The following CAST variants were observed in gnomAD, a reference collection of about 807,000 sequenced individuals.
The protein encoded by CAST is MIR583 host.
CAST carries 76 observed loss-of-function variants against 119.6 expected under a neutral mutation model. That is an observed-to-expected ratio of 0.64 (90% confidence interval 0.53 to 0.77). The LOEUF (loss-of-function observed/expected upper bound fraction) is 0.77. CAST is among the 30% of genes least tolerant of loss of function. The pLI, the probability that CAST is intolerant of heterozygous loss-of-function variation, is 0.00. For missense variants in CAST, 953 were observed against 946.5 expected (o/e 1.01, Z -0.09); for synonymous variants, 319 against 331.6 (o/e 0.96, Z 0.41).
At chr5:96,101,704 G>A in the CAST span, among the ~76,000 whole-genome samples, 18 of 152,256 alleles carry the variant, frequency 1.2e-4, no homozygotes, top group African/African-American at 9.6e-5. Context: ...TAATCCTAGC[G>A]CTTTGGCCAA....
chr5:96,555,340 T>C (rs1483743274), intron 1 of CAST, among the ~76,000 whole-genome samples: 1 of 152,142 alleles, frequency 6.6e-6, no homozygotes, highest in Non-Finnish European at 1.5e-5. Context: ...CCAACTGAGG[T>C]ACGTGTTCAT....
chr5:96,636,564 T>C (rs6880029), intron 1 of CAST, among the ~76,000 whole-genome samples: 24,005 of 152,096 alleles, frequency 0.16, 2,938 homozygotes, highest in African/African-American at 0.35. Flanking sequence ...ATAAAATTCT[T>C]CAGATACCCT....
At chr5:96,424,522 G>A in the CAST span, among the ~76,000 whole-genome samples, 1 of 152,126 alleles carries the variant, frequency 6.6e-6, no homozygotes. Flanking sequence ...TGTTAAATGG[G>A]CATAATTACT....
intron 1 of CAST, among the ~76,000 whole-genome samples, chr5:96,636,613 T>C (rs1009042256): frequency 3.9e-5 from 6 of 152,134 alleles, no homozygotes; most frequent in African/African-American, 1.4e-4. Context: ...TAAAATACTT[T>C]GTTAGATTTG....
chr5:96,073,601 C>A, the CAST span, among the ~76,000 whole-genome samples: 1,078 of 152,206 alleles, frequency 7.1e-3, 6 homozygotes, highest in African/African-American at 0.025. Flanking sequence ...TGGGATGAAA[C>A]TTCCATCTCA....
chr5:96,397,419 C>G, the CAST span: 1 of 1,611,672 alleles, frequency 6.2e-7, no homozygotes, highest in Non-Finnish European at 8.5e-7. Flanking sequence ...TTCTTAAAGC[C>G]ATTAGGAGAT....
chr5:96,159,929 G>T, the CAST span, among the ~76,000 whole-genome samples: 1 of 150,194 alleles, frequency 6.7e-6, no homozygotes, highest in South Asian at 2.1e-4. Flanking sequence ...AGGTCAGTTC[G>T]AGAGCAGCCT....
At chr5:96,081,480 C>T in the CAST span, among the ~76,000 whole-genome samples, 1 of 152,186 alleles carries the variant, frequency 6.6e-6, no homozygotes, top group Non-Finnish European at 1.5e-5. Context: ...TGCTGAGTTT[C>T]CTGAGGCCCA....
intron 1 of CAST, among the ~76,000 whole-genome samples, chr5:96,671,729 A>G (rs539526627): frequency 2.1e-4 from 32 of 152,294 alleles, no homozygotes; most frequent in African/African-American, 7.0e-4. Flanking sequence ...CCAGCTGTCA[A>G]TCCTTCCCTG....
chr5:96,563,692 G>A (rs1296802738), intron 1 of CAST, among the ~76,000 whole-genome samples: 5 of 151,884 alleles, frequency 3.3e-5, no homozygotes, highest in Middle Eastern at 6.8e-3. Flanking sequence ...CTAAGATTAC[G>A]GTATACGGTA....
At chr5:96,286,547 C>A in the CAST span, among the ~76,000 whole-genome samples, 1 of 152,152 alleles carries the variant, frequency 6.6e-6, no homozygotes, top group Non-Finnish European at 1.5e-5. Flanking sequence ...TGCTTTGCAC[C>A]AGTAACCAAT....
the CAST span, among the ~76,000 whole-genome samples, chr5:96,270,912 A>G: frequency 7.1e-3 from 1,077 of 152,306 alleles, 10 homozygotes; most frequent in African/African-American, 0.025. Context: ...AAACTGCTAG[A>G]ATGGATAAAA....
the CAST span, among the ~76,000 whole-genome samples, chr5:96,054,035 C>A: frequency 1.3e-5 from 2 of 151,978 alleles, no homozygotes; most frequent in Non-Finnish European, 2.9e-5. Flanking sequence ...TATTATATTT[C>A]TTGGTGGTGT....
the CAST span, among the ~76,000 whole-genome samples, chr5:96,438,532 A>T: frequency 6.6e-6 from 1 of 152,182 alleles, no homozygotes; most frequent in Non-Finnish European, 1.5e-5. Context: ...ACTTTTGAGG[A>T]GTACTATTCA....
intron 1 of CAST, among the ~76,000 whole-genome samples, chr5:96,632,586 T>A (rs980203638): frequency 1.3e-5 from 2 of 152,172 alleles, no homozygotes; most frequent in Non-Finnish European, 2.9e-5. Context: ...CTCTTATGAG[T>A]CTTTGATCTT....
intron 3 of CAST, among the ~76,000 whole-genome samples, chr5:96,714,176 C>G (rs1247186245): frequency 1.3e-5 from 2 of 152,084 alleles, no homozygotes; most frequent in Non-Finnish European, 2.9e-5. Context: ...AAGTAGGTAT[C>G]TTTTTTTATA....
At chr5:96,562,539 A>G (rs1419651739) in intron 1 of CAST, among the ~76,000 whole-genome samples, 1 of 152,216 alleles carries the variant, frequency 6.6e-6, no homozygotes, top group Admixed American at 6.5e-5. Context: ...CGGGAGTACA[A>G]AATGATACAA....
Position 96,695,836 on chromosome 5 carries a change from A to G in CAST, c.139A>G (p.Lys47Glu). The G allele has an allele frequency of 3.1e-6, 5 of 1,608,812 alleles. No homozygotes were observed. The highest frequency in any genetic ancestry group is 4.3e-6 in the Non-Finnish European group (5 of 1,175,830). ...KPGEKKGSDE[K>E]KAASLGSSQS... is the part of the protein sequence containing the mutation. Reference sequence around the variant, plus strand: ...GAAACTAATATTTTCTATTTTCAAGAAAAAAGCAGCAAGCCTCGGCAGCAG... The same window carrying G: ...GAAACTAATATTTTCTATTTTCAAGGAAAAAGCAGCAAGCCTCGGCAGCAG... The change falls in exon 3 of 32, where the codon AAA becomes GAA. Residue 47 changes from lysine to glutamate, a missense_variant and splice_region_variant. Physicochemically the swap from Lys to Glu is moderately conservative, Grantham distance 56 (BLOSUM62 1). Transcript: ENST00000675179.
the CAST span, among the ~76,000 whole-genome samples, chr5:96,221,251 T>C: frequency 1.6e-4 from 24 of 152,050 alleles, no homozygotes; most frequent in African/African-American, 5.6e-4. Flanking sequence ...AACATAATAC[T>C]GGAAGTCCTA....
Sources: gnomAD v4.1 joint callset for allele counts (sites outside exome capture counted in the v4.1 genomes callset) on GRCh38, gnomAD v4.1.1 for gene constraint, MANE v1.5 for transcripts, NCBI Gene and HGNC (gene_info 2026-07-23, HGNC 2026-07-21) for gene names.